The following ELAVL2 variants were observed in gnomAD, a reference collection of about 807,000 sequenced individuals.
The protein encoded by ELAVL2 is ELAV-like protein 2.
In ELAVL2, 4 loss-of-function variants were observed where a neutral mutation model predicts 34.6. That is an observed-to-expected ratio of 0.12 (90% CI 0.06 to 0.26). ELAVL2 has a LOEUF of 0.26. Ranked by LOEUF, ELAVL2 falls within the 10% of genes least tolerant of loss-of-function variation. The pLI is 1.00. For missense variants in ELAVL2, 432 were observed against 442.8 expected (o/e 0.98, Z 0.22); for synonymous variants, 193 against 154.8 (o/e 1.25, Z -1.83).
chr9:23,783,573 A>T, intron 1 of ELAVL2: 2 of 850,996 alleles, frequency 2.4e-6, no homozygotes, highest in Non-Finnish European at 2.8e-6. Context: ...ACAGAAGAAA[A>T]CAGATATGCC....
the ELAVL2 span, among the ~76,000 whole-genome samples, chr9:23,839,194 T>G: frequency 3.3e-5 from 5 of 152,158 alleles, no homozygotes; most frequent in Admixed American, 2.6e-4. Flanking sequence ...TATTTTTTAA[T>G]ATGATGTATT....
chr9:23,763,797 T>C lies in ELAVL2; in HGVS notation c.-15-1548A>G, dbSNP rs149321895. ...AAAAAACATGAGGCAAAATCCAGAATAGCTTTTGAAATATCCAACAACCTG... is the reference window on the plus strand; with the variant it reads ...AAAAAACATGAGGCAAAATCCAGAACAGCTTTTGAAATATCCAACAACCTG... On this transcript the variant is annotated intron_variant, in intron 1 of 6. Transcript: ENST00000397312. 1.9e-3 allele frequency among the ~76,000 whole-genome samples: 286 copies of C among 152,214 alleles called. 2 individuals are homozygous for C. The highest frequency in any genetic ancestry group is 0.012 in the Admixed American group (182 of 15,278).
chr9:23,822,311 C>T (rs1235806016), intron 1 of ELAVL2, among the ~76,000 whole-genome samples: 1 of 152,162 alleles, frequency 6.6e-6, no homozygotes, highest in Non-Finnish European at 1.5e-5. Flanking sequence ...CCCCCTGCTG[C>T]CCCTCCCTGC....
chr9:23,783,406 G>A (rs900602696), intron 1 of ELAVL2: 1 of 976,762 alleles, frequency 1.0e-6, no homozygotes, highest in African/African-American at 1.8e-5. Context: ...AGAAAAACAT[G>A]TAACTTCAGA....
At chr9:23,820,939 C>T (rs189633543) in intron 1 of ELAVL2, among the ~76,000 whole-genome samples, 294 of 152,268 alleles carry the variant, frequency 1.9e-3, no homozygotes, top group African/African-American at 6.7e-3. Context: ...CCTCACCTAA[C>T]GCGCACGAGG....
intron 1 of ELAVL2, among the ~76,000 whole-genome samples, chr9:23,788,446 T>C (rs1255960818): frequency 1.2e-4 from 19 of 152,296 alleles, no homozygotes; most frequent in African/African-American, 4.1e-4. Context: ...AAACTTCAGA[T>C]AGAACTGACC....
intron 1 of ELAVL2, among the ~76,000 whole-genome samples, chr9:23,813,781 T>C (rs1715430196): frequency 6.6e-6 from 1 of 152,196 alleles, no homozygotes; most frequent in Non-Finnish European, 1.5e-5. Context: ...CTATAAGATC[T>C]AAATATGTAA....
At chr9:23,797,717 C>T (rs1056057623) in intron 1 of ELAVL2, among the ~76,000 whole-genome samples, 1 of 152,038 alleles carries the variant, frequency 6.6e-6, no homozygotes, top group African/African-American at 2.4e-5. Context: ...CATCTGAGGT[C>T]TGGAGTTTGA....
chr9:23,839,188 T>G, the ELAVL2 span, among the ~76,000 whole-genome samples: 1 of 152,158 alleles, frequency 6.6e-6, no homozygotes, highest in Non-Finnish European at 1.5e-5. Context: ...GAAACTTATT[T>G]TTTAATATGA....
intron 2 of ELAVL2, among the ~76,000 whole-genome samples, chr9:23,743,175 A>G (rs1473337206): frequency 2.6e-5 from 4 of 152,186 alleles, no homozygotes; most frequent in Non-Finnish European, 5.9e-5. Flanking sequence ...AGAAATAAGT[A>G]TCAATTTTGT....
chr9:23,775,313 G>C (rs530175099), intron 1 of ELAVL2, among the ~76,000 whole-genome samples: 1 of 152,258 alleles, frequency 6.6e-6, no homozygotes, highest in African/African-American at 2.4e-5. Flanking sequence ...CAACACTTTG[G>C]AAGGCTGGAG....
At chr9:23,805,460 T>C (rs1403531759) in intron 1 of ELAVL2, among the ~76,000 whole-genome samples, 1 of 152,210 alleles carries the variant, frequency 6.6e-6, no homozygotes, top group Non-Finnish European at 1.5e-5. Context: ...AATGAAGGGT[T>C]GCCCATTTAA....
chr9:23,796,446 C>G (rs1354903432), intron 1 of ELAVL2, among the ~76,000 whole-genome samples: 1 of 152,240 alleles, frequency 6.6e-6, no homozygotes, highest in Non-Finnish European at 1.5e-5. Context: ...TCTTTTCAGT[C>G]AGATGAAATC....
intron 1 of ELAVL2, among the ~76,000 whole-genome samples, chr9:23,784,184 G>A (rs1404809749): frequency 2.6e-5 from 4 of 152,048 alleles, no homozygotes; most frequent in Admixed American, 2.6e-4. Flanking sequence ...GGGCCACAGA[G>A]CAAGACTCCG....
chr9:23,737,087 T>C (rs926285709), intron 2 of ELAVL2, among the ~76,000 whole-genome samples: 4 of 152,168 alleles, frequency 2.6e-5, no homozygotes, highest in African/African-American at 9.6e-5. Flanking sequence ...CCGTTATCTT[T>C]GTTATGTGTG....
chr9:23,743,132 T>C (rs964309147), intron 2 of ELAVL2, among the ~76,000 whole-genome samples: 2 of 152,304 alleles, frequency 1.3e-5, no homozygotes, highest in East Asian at 1.9e-4. Context: ...ATGGGAACCA[T>C]GGCTACGAAT....
chr9:23,711,090 A>G (rs1005910403), intron 3 of ELAVL2, among the ~76,000 whole-genome samples: 3 of 152,188 alleles, frequency 2.0e-5, no homozygotes, highest in African/African-American at 7.2e-5. Context: ...ATATTTCACA[A>G]TGGGTTGAAA....
intron 3 of ELAVL2, among the ~76,000 whole-genome samples, chr9:23,708,587 G>A (rs1263911205): frequency 6.6e-6 from 1 of 152,212 alleles, no homozygotes; most frequent in Non-Finnish European, 1.5e-5. Context: ...GGCATACACA[G>A]AGAAACTGGC....
rs957658526 is a variant in ELAVL2 at position 23,692,370 on chromosome 9, A to G, written c.*187T>C. ...TCTTGTCCATATTCAAACATAAAAG[A>G]TATTTAAGAAGTTTTAATTCAAATA... On this transcript the variant is annotated 3_prime_UTR_variant, in exon 7 of 7. Transcript: ENST00000397312. 4.7e-6 allele frequency: 3 copies of G among 638,912 alleles called. No homozygotes were observed. The highest frequency in any genetic ancestry group is 7.8e-6 in the Non-Finnish European group (3 of 385,296). The allele number at this position is 638,912 out of a possible 1,614,324, so 39.6% of individuals were successfully genotyped here.
Sources: gnomAD v4.1 joint callset for allele counts (sites outside exome capture counted in the v4.1 genomes callset) on GRCh38, gnomAD v4.1.1 for gene constraint, MANE v1.5 for transcripts, NCBI Gene and HGNC (gene_info 2026-07-23, HGNC 2026-07-21) for gene names.